Variants in TENM2 observed in about 807,000 individuals in gnomAD.
TENM2 encodes teneurin transmembrane protein 2, also known as teneurin-2.
In TENM2, 52 loss-of-function variants were observed where a neutral mutation model predicts 245.2. The observed-to-expected ratio is 0.21, with a 90% confidence interval of 0.17 to 0.27. The LOEUF is 0.27. Ranked by LOEUF, TENM2 falls within the 10% of genes least tolerant of loss-of-function variation. The pLI is 1.00. For missense variants in TENM2, 3,046 were observed against 3,666.8 expected, an observed-to-expected ratio of 0.83 and a Z score of 4.37; for synonymous variants, 1,363 against 1,438.9, an observed-to-expected ratio of 0.95 and a Z score of 1.19.
chr5:167,965,308 G>C (rs1335064588), intron 4 of TENM2: 1 of 152,094 alleles, frequency 6.6e-6, no homozygotes. Flanking sequence ...GCAGTTATTG[G>C]CCAGACTTAT....
chr5:167,129,437 A>G, the TENM2 span, among the ~76,000 whole-genome samples: 1 of 152,170 alleles, frequency 6.6e-6, no homozygotes, highest in Admixed American at 6.5e-5. Flanking sequence ...CCTTAAATTA[A>G]GCAACAGCCT....
At chr5:167,507,797 T>C (rs567334406) in intron 2 of TENM2, among the ~76,000 whole-genome samples, 5 of 152,220 alleles carry the variant, frequency 3.3e-5, no homozygotes, top group African/African-American at 7.2e-5. Flanking sequence ...GGAATTACCA[T>C]GGAATGTGAA....
intron 5 of TENM2, among the ~76,000 whole-genome samples, chr5:168,044,652 G>A (rs942819280): frequency 6.6e-6 from 1 of 152,180 alleles, no homozygotes; most frequent in Admixed American, 6.5e-5. Flanking sequence ...GGTTGCAGAT[G>A]TGTAACCTCT....
the TENM2 span, among the ~76,000 whole-genome samples, chr5:167,128,300 A>G: frequency 3.3e-5 from 5 of 152,290 alleles, no homozygotes; most frequent in South Asian, 2.1e-4. Flanking sequence ...ACCTCAGTTT[A>G]CTATGGAAGG....
intron 1 of TENM2, among the ~76,000 whole-genome samples, chr5:167,290,001 A>G (rs1754542437): frequency 6.6e-6 from 1 of 152,214 alleles, no homozygotes; most frequent in Non-Finnish European, 1.5e-5. Flanking sequence ...GTACCTTGAG[A>G]AGATTGCTTT....
intron 2 of TENM2, among the ~76,000 whole-genome samples, chr5:167,832,585 A>G (rs1390367157): frequency 6.6e-6 from 1 of 152,142 alleles, no homozygotes; most frequent in Non-Finnish European, 1.5e-5. Context: ...GCAAGTGTGG[A>G]TGGATGGATG....
At chr5:167,989,737 G>A (rs1381871411) in intron 4 of TENM2, among the ~76,000 whole-genome samples, 2 of 152,192 alleles carry the variant, frequency 1.3e-5, no homozygotes, top group Admixed American at 1.3e-4. Context: ...GATTCATTAA[G>A]CTATTGGATG....
intron 2 of TENM2, among the ~76,000 whole-genome samples, chr5:167,720,911 A>G (rs1338022547): frequency 6.6e-6 from 1 of 152,228 alleles, no homozygotes; most frequent in Non-Finnish European, 1.5e-5. Context: ...AATGAACTCT[A>G]TGCAGAAGAC....
chr5:167,914,995 A>T (rs1337229023), intron 3 of TENM2, among the ~76,000 whole-genome samples: 1 of 152,214 alleles, frequency 6.6e-6, no homozygotes, highest in Admixed American at 6.5e-5. Flanking sequence ...CCTAGGGGTT[A>T]GGACATCAAC....
intron 1 of TENM2, among the ~76,000 whole-genome samples, chr5:167,338,147 G>T (rs1304735927): frequency 1.3e-5 from 2 of 152,228 alleles, no homozygotes; most frequent in Non-Finnish European, 2.9e-5. Context: ...TATGCCCACT[G>T]TGGTTATTCA....
intron 5 of TENM2, among the ~76,000 whole-genome samples, chr5:168,024,676 T>C (rs1424601087): frequency 6.6e-6 from 1 of 152,050 alleles, no homozygotes; most frequent in Non-Finnish European, 1.5e-5. Context: ...AAGAAAAAAA[T>C]AGTTGATGCT....
chr5:167,505,354 A>C (rs150947711), intron 2 of TENM2, among the ~76,000 whole-genome samples: 1 of 152,276 alleles, frequency 6.6e-6, no homozygotes, highest in East Asian at 1.9e-4. Flanking sequence ...CATTTATATT[A>C]TTTTTTGAGG....
intron 2 of TENM2, among the ~76,000 whole-genome samples, chr5:167,833,086 G>T (rs1768653450): frequency 6.6e-6 from 1 of 151,972 alleles, no homozygotes; most frequent in African/African-American, 2.4e-5. Context: ...TTAGTAGAAA[G>T]GTATGTGAAG....
intron 3 of TENM2, among the ~76,000 whole-genome samples, chr5:167,880,552 C>T (rs1040015953): frequency 6.6e-6 from 1 of 152,098 alleles, no homozygotes; most frequent in Non-Finnish European, 1.5e-5. Flanking sequence ...AAAAGCAAAT[C>T]AGTCATTTCA....
chr5:168,192,475 G>T (rs1761046770), intron 14 of TENM2, among the ~76,000 whole-genome samples: 1 of 152,038 alleles, frequency 6.6e-6, no homozygotes, highest in African/African-American at 2.4e-5. Context: ...ACTTCTCTTT[G>T]ATCTTCAGAC....
rs1346711859 is a variant in TENM2 at position 167,989,559 on chromosome 5, G to A, written c.948-3385G>A. Among the ~76,000 whole-genome samples, 4 of 152,290 alleles carry A rather than the reference G, an allele frequency of 2.6e-5. No homozygotes were observed. The East Asian group carries it at 7.7e-4, about 29-fold the overall frequency. ...GGGTAGAGAGCCATGGTTCCATGTTGTAGAGAGCTTGGTTCCATGTTGAAA... is the reference window on the plus strand; with the variant it reads ...GGGTAGAGAGCCATGGTTCCATGTTATAGAGAGCTTGGTTCCATGTTGAAA... On this transcript the variant is annotated intron_variant, in intron 4 of 28. Coordinates refer to ENST00000518659, the Ensembl canonical transcript of TENM2.
intron 2 of TENM2, among the ~76,000 whole-genome samples, chr5:167,724,964 A>G (rs1225116032): frequency 6.6e-6 from 1 of 152,194 alleles, no homozygotes; most frequent in Non-Finnish European, 1.5e-5. Flanking sequence ...GCACCTCATA[A>G]TTATCTAATA....
intron 2 of TENM2, among the ~76,000 whole-genome samples, chr5:167,833,508 T>G (rs1458041871): frequency 6.6e-6 from 1 of 152,180 alleles, no homozygotes; most frequent in African/African-American, 2.4e-5. Flanking sequence ...GATGACAAAT[T>G]CTAGTGAAGA....
intron 2 of TENM2, among the ~76,000 whole-genome samples, chr5:167,771,012 A>C (rs1182149889): frequency 6.6e-6 from 1 of 152,138 alleles, no homozygotes; most frequent in African/African-American, 2.4e-5. Context: ...TCAAGGAATA[A>C]AAATAACCTG....
Sources: allele counts gnomAD v4.1 joint callset (sites outside exome capture counted in the v4.1 genomes callset), GRCh38; gene constraint gnomAD v4.1.1; transcripts MANE v1.5; gene names NCBI Gene and HGNC (gene_info 2026-07-23, HGNC 2026-07-21).